Variants in IL1RAP observed in about 807,000 individuals in gnomAD.
IL1RAP encodes interleukin-1 receptor accessory protein.
Under a neutral mutation model 60.7 loss-of-function variants are expected in IL1RAP, and 35 were observed. The observed-to-expected ratio is 0.58, with a 90% confidence interval of 0.44 to 0.76. The LOEUF (loss-of-function observed/expected upper bound fraction) is 0.76. Among genes scored for constraint, IL1RAP ranks in the 30% least tolerant of loss-of-function variants. The probability of loss-of-function intolerance (pLI) is 0.00; values close to 1 mark genes in which losing one functional copy is unlikely to be tolerated. For missense variants in IL1RAP, 572 were observed against 693.9 expected (o/e 0.82, Z 1.97); for synonymous variants, 268 against 250.9 (o/e 1.07, Z -0.64).
chr3:190,558,253 G>A (rs547017946), intron 2 of IL1RAP, among the ~76,000 whole-genome samples: 1 of 152,260 alleles, frequency 6.6e-6, no homozygotes, highest in Admixed American at 6.5e-5. Context: ...AAACATGCAG[G>A]TATAGCTTTT....
intron 3 of IL1RAP, among the ~76,000 whole-genome samples, chr3:190,572,635 TC>T (rs1361473077): frequency 4.6e-5 from 7 of 152,186 alleles, no homozygotes; most frequent in African/African-American, 1.7e-4. Flanking sequence ...ATTTAAATAC[TC>T]CCCCCTTTTT....
intron 3 of IL1RAP, among the ~76,000 whole-genome samples, chr3:190,596,644 C>T (rs909736689): frequency 1.6e-4 from 24 of 152,186 alleles, no homozygotes. Context: ...CTTTGTGGTT[C>T]TCCCATGTTG....
chr3:190,632,488 A>T (rs986715604), intron 9 of IL1RAP, among the ~76,000 whole-genome samples: 1 of 152,346 alleles, frequency 6.6e-6, no homozygotes, highest in Admixed American at 6.5e-5. Context: ...ATAGACACAG[A>T]CGCATATATA....
chr3:190,644,775 T>A (rs542467195), intron 10 of IL1RAP, among the ~76,000 whole-genome samples: 28 of 152,360 alleles, frequency 1.8e-4, no homozygotes, highest in African/African-American at 6.5e-4. Flanking sequence ...GCTAATGAGA[T>A]ATTTTAGTGT....
chr3:190,569,420 T>A (rs3773977), intron 3 of IL1RAP, among the ~76,000 whole-genome samples: 1 of 152,186 alleles, frequency 6.6e-6, no homozygotes, highest in East Asian at 1.9e-4. Context: ...TGCCCATGGC[T>A]GGTCATCCTG....
Position 190,645,859 on chromosome 3 carries a change from A to T in IL1RAP, c.1345+17A>T. ...CTGGGGGAAGTAGGTATTTCAGAGG[A>T]GTACAAATGATGCTACCTTGAAAGG... On this transcript the variant is annotated intron_variant, in intron 11 of 11. Transcript: ENST00000447382. The T allele has an allele frequency of 6.2e-7, 1 of 1,602,176 alleles. No individual in the cohort carries two copies. Among genetic ancestry groups the T allele is most frequent in the Non-Finnish European group, 8.5e-7 (1 of 1,172,866 alleles).
chr3:190,530,213 A>G (rs1699705650), intron 1 of IL1RAP, among the ~76,000 whole-genome samples: 1 of 152,204 alleles, frequency 6.6e-6, no homozygotes, highest in Admixed American at 6.5e-5. Flanking sequence ...ATACATCATC[A>G]TTGAATGCAA....
At chr3:190,523,667 C>T (rs867573638) in intron 1 of IL1RAP, among the ~76,000 whole-genome samples, 1 of 152,132 alleles carries the variant, frequency 6.6e-6, no homozygotes, top group Admixed American at 6.5e-5. Flanking sequence ...TGGTCCCCAG[C>T]TCTATCCATG....
intron 6 of IL1RAP, among the ~76,000 whole-genome samples, chr3:190,621,454 G>A (rs1731773121): frequency 6.6e-6 from 1 of 152,196 alleles, no homozygotes; most frequent in Non-Finnish European, 1.5e-5. Context: ...AATTTTAAAA[G>A]TCAAATGAAT....
chr3:190,604,793 A>G (rs965249860), intron 4 of IL1RAP, among the ~76,000 whole-genome samples: 6 of 152,150 alleles, frequency 3.9e-5, no homozygotes, highest in Non-Finnish European at 7.4e-5. Flanking sequence ...TTTTCTTGGC[A>G]TCTTTCAAAG....
At chr3:190,593,555 G>C (rs1328667216) in intron 3 of IL1RAP, among the ~76,000 whole-genome samples, 2 of 152,146 alleles carry the variant, frequency 1.3e-5, no homozygotes, top group Admixed American at 6.5e-5. Flanking sequence ...TGGCTAGGGA[G>C]CCCTCACAAT....
At chr3:190,567,846 A>G (rs988302002) in intron 3 of IL1RAP, among the ~76,000 whole-genome samples, 1 of 152,104 alleles carries the variant, frequency 6.6e-6, no homozygotes, top group Non-Finnish European at 1.5e-5. Flanking sequence ...AGTATTAAAT[A>G]TTTTCACTAA....
chr3:190,620,574 C>T, intron 6 of IL1RAP, 134 bp downstream of exon 6: 1 of 687,292 alleles, frequency 1.5e-6, no homozygotes, highest in Non-Finnish European at 2.4e-6. Context: ...AGTACTGTCT[C>T]TAGAGCCTTC....
intron 3 of IL1RAP, among the ~76,000 whole-genome samples, chr3:190,580,866 T>C (rs1727937106): frequency 6.6e-6 from 1 of 152,090 alleles, no homozygotes; most frequent in African/African-American, 2.4e-5. Flanking sequence ...CTTTTAGAGG[T>C]TATGTGTATG....
chr3:190,518,556 G>A (rs890282112), intron 1 of IL1RAP: 1 of 152,144 alleles, frequency 6.6e-6, no homozygotes, highest in Non-Finnish European at 1.5e-5. Context: ...GTATTAGTCT[G>A]TGTTCATGCT....
In IL1RAP at chr3:190,521,748, C is replaced by G. The variant is rs1722036739; in HGVS notation, c.-89+7529C>G. Among the ~76,000 whole-genome samples the G allele has an allele frequency of 2.0e-5, 3 of 151,920 alleles. No homozygotes were observed. The South Asian group carries it at 6.2e-4, about 32-fold the overall frequency. ...TGACCTACAGATCATTCCCCATCTGCCCCATCCCCTTCAGGACCCAGGTTT... is the reference window on the plus strand; with the variant it reads ...TGACCTACAGATCATTCCCCATCTGGCCCATCCCCTTCAGGACCCAGGTTT... On this transcript the variant is annotated intron_variant, in intron 1 of 11. Transcript: ENST00000447382.
At chr3:190,562,866 A>G (rs1726032878) in intron 2 of IL1RAP, among the ~76,000 whole-genome samples, 1 of 152,188 alleles carries the variant, frequency 6.6e-6, no homozygotes, top group South Asian at 2.1e-4. Flanking sequence ...GTCATAATAT[A>G]AGAGCTGGAA....
chr3:190,582,822 T>C (rs1204291674), intron 3 of IL1RAP, among the ~76,000 whole-genome samples: 2 of 152,246 alleles, frequency 1.3e-5, no homozygotes, highest in East Asian at 3.8e-4. Context: ...TATATGCTCT[T>C]ATATGTTCAA....
Position 190,649,498 on chromosome 3 carries a change from C to G in IL1RAP, c.*793C>G. 2.0e-6 allele frequency: 2 copies of G among 985,808 alleles called. No homozygotes were observed. Among genetic ancestry groups the G allele is most frequent in the African/African-American group, 1.7e-5 (1 of 57,346 alleles). The allele number at this position is 985,808 out of a possible 1,614,324, so 61.1% of individuals were successfully genotyped here. ...CAGGAGGCTCCATACTAGGTTCAGTCTGAAAGAAATCTCCTAATGGTGCTA... is the reference window on the plus strand; with the variant it reads ...CAGGAGGCTCCATACTAGGTTCAGTGTGAAAGAAATCTCCTAATGGTGCTA... On this transcript the variant is annotated 3_prime_UTR_variant, in exon 12 of 12. Coordinates refer to ENST00000447382, the MANE Select transcript of IL1RAP (RefSeq NM_002182.4).
Sources: gnomAD v4.1 joint callset for allele counts (sites outside exome capture counted in the v4.1 genomes callset) on GRCh38, gnomAD v4.1.1 for gene constraint, MANE v1.5 for transcripts, NCBI Gene and HGNC (gene_info 2026-07-23, HGNC 2026-07-21) for gene names.